TRHDE: variants seen among roughly 807,000 people sequenced by gnomAD.
TRHDE encodes thyrotropin-releasing hormone-degrading ectoenzyme.
Under a neutral mutation model 125.7 loss-of-function variants are expected in TRHDE, and 72 were observed. The observed-to-expected ratio is 0.57, with a 90% CI of 0.47 to 0.70. The LOEUF is 0.70. Among genes scored for constraint, TRHDE ranks in the 30% least tolerant of loss-of-function variants. The probability of loss-of-function intolerance (pLI) is 0.00; values close to 1 mark genes in which losing one functional copy is unlikely to be tolerated. For synonymous variants in TRHDE, 509 were observed against 509.1 expected (o/e 1.00, Z 0.00); for missense variants, 1,110 against 1,327.1 (o/e 0.84, Z 2.54).
chr12:72,118,417 T>C (rs1875498907), intron 2 of TRHDE, among the ~76,000 whole-genome samples: 1 of 152,192 alleles, frequency 6.6e-6, no homozygotes, highest in Non-Finnish European at 1.5e-5. Flanking sequence ...TTGATTATGA[T>C]GAATAATCTT....
At chr12:72,238,321 T>TATATATACAC (rs1878395323) in intron 2 of TRHDE, among the ~76,000 whole-genome samples, 1 of 30,142 alleles carries the variant, frequency 3.3e-5, no homozygotes, top group Middle Eastern at 0.016. Context: ...TATATATATA[T>TATATATACAC]ACATATATAT....
At chr12:72,601,787 G>A (rs974281598) in intron 12 of TRHDE, among the ~76,000 whole-genome samples, 2 of 152,034 alleles carry the variant, frequency 1.3e-5, no homozygotes, top group African/African-American at 4.8e-5. Context: ...TAGATATAAG[G>A]TTATTGCACA....
chr12:72,222,449 A>C (rs542251677), intron 2 of TRHDE, among the ~76,000 whole-genome samples: 1 of 152,120 alleles, frequency 6.6e-6, no homozygotes, highest in Admixed American at 6.6e-5. Flanking sequence ...ATGATTTTCA[A>C]ATGTTAGCAT....
chr12:72,168,741 C>G (rs189517765), intron 2 of TRHDE, among the ~76,000 whole-genome samples: 4 of 152,238 alleles, frequency 2.6e-5, no homozygotes, highest in African/African-American at 9.6e-5. Context: ...ATTTCCACTT[C>G]CAATCATGTC....
intron 3 of TRHDE, among the ~76,000 whole-genome samples, chr12:72,454,965 C>T (rs1321787817): frequency 6.6e-6 from 1 of 152,126 alleles, no homozygotes; most frequent in African/African-American, 2.4e-5. Context: ...TTGCCTCCTG[C>T]CATTTCTCTT....
intron 5 of TRHDE, among the ~76,000 whole-genome samples, chr12:72,484,755 G>C (rs1463935274): frequency 6.6e-6 from 1 of 152,160 alleles, no homozygotes; most frequent in Non-Finnish European, 1.5e-5. Flanking sequence ...ACAGGAAAAG[G>C]TGGCAACAAA....
chr12:72,305,987 TCCATTTTGCCAGGCTTACTA>T (rs1868335512), intron 2 of TRHDE, among the ~76,000 whole-genome samples: 3 of 152,192 alleles, frequency 2.0e-5, no homozygotes, highest in Admixed American at 6.5e-5. Context: ...TACAGACAGC[TCCATTTTGCCAGGCTTACTA>T]CCAGTGAGAA....
At chr12:72,492,495 A>G (rs371481466) in intron 5 of TRHDE, among the ~76,000 whole-genome samples, 156 of 152,062 alleles carry the variant, frequency 1.0e-3, no homozygotes, top group South Asian at 7.0e-3. Context: ...AAAAGATGAT[A>G]ATTGCAAAGT....
At chr12:72,499,242 A>G (rs1188037327) in intron 5 of TRHDE, among the ~76,000 whole-genome samples, 1 of 152,156 alleles carries the variant, frequency 6.6e-6, no homozygotes, top group East Asian at 1.9e-4. Flanking sequence ...CTGTTAAAAC[A>G]CAGAGTTCAC....
At chr12:72,371,535 T>TCC in intron 2 of TRHDE, among the ~76,000 whole-genome samples, 1 of 151,288 alleles carries the variant, frequency 6.6e-6, no homozygotes, top group South Asian at 2.1e-4. Context: ...ATGCTATCCT[T>TCC]CCCCCCTCCC....
At chr12:72,239,120 AT>A (rs1878422741) in intron 2 of TRHDE, among the ~76,000 whole-genome samples, 1 of 152,016 alleles carries the variant, frequency 6.6e-6, no homozygotes, top group Non-Finnish European at 1.5e-5. Flanking sequence ...TGTGGTTTTG[AT>A]CTGCATTTCT....
rs1879915514 is a variant in TRHDE at position 72,287,011 on chromosome 12, T to G, written c.1188+57T>G. ...ATAATGTACACTCTGTAAAGTAACCTGATTTCTGGATTAACAGTGAGTCAT... is the reference window on the plus strand; with the variant it reads ...ATAATGTACACTCTGTAAAGTAACCGGATTTCTGGATTAACAGTGAGTCAT... On this transcript the variant is annotated intron_variant, in intron 2 of 18. Transcript: ENST00000261180. 3 of 1,548,282 alleles carry G rather than the reference T, an allele frequency of 1.9e-6. No individual in the cohort carries two copies. In the East Asian group the frequency reaches 6.8e-5, roughly 35 times the overall value.
chr12:72,652,551 T>G (rs1874548901), intron 16 of TRHDE, 62 bp downstream of exon 16: 1 of 1,364,808 alleles, frequency 7.3e-7, no homozygotes, highest in Admixed American at 2.3e-5. Context: ...ATCAAATTGC[T>G]CTGAAGTTGC....
intron 2 of TRHDE, among the ~76,000 whole-genome samples, chr12:72,331,067 C>T (rs1338985389): frequency 6.6e-6 from 1 of 152,180 alleles, no homozygotes; most frequent in Non-Finnish European, 1.5e-5. Flanking sequence ...TAGCAAACAC[C>T]TGCTGTATGC....
intron 12 of TRHDE, among the ~76,000 whole-genome samples, chr12:72,605,422 C>A (rs1472829170): frequency 1.3e-5 from 2 of 152,048 alleles, no homozygotes; most frequent in Admixed American, 1.3e-4. Context: ...TACTATTTAG[C>A]ACCCTTATGA....
chr12:72,480,524 T>C (rs1413018139), intron 5 of TRHDE, among the ~76,000 whole-genome samples: 4 of 152,186 alleles, frequency 2.6e-5, no homozygotes, highest in Non-Finnish European at 5.9e-5. Context: ...TGAATGAGTA[T>C]TCCCTATGGA....
intron 2 of TRHDE, among the ~76,000 whole-genome samples, chr12:72,356,784 C>T (rs958793355): frequency 6.6e-6 from 1 of 151,252 alleles, no homozygotes; most frequent in Non-Finnish European, 1.5e-5. Context: ...TCAAGAATGA[C>T]CTGAGCAGGA....
chr12:72,669,109 G>A lies in TRHDE; in HGVS notation c.*5914G>A, dbSNP rs752259449. 1 of 150,898 alleles carries A rather than the reference G, an allele frequency of 6.6e-6. No homozygotes were observed. Among genetic ancestry groups the A allele is most frequent in the Non-Finnish European group, 1.5e-5 (1 of 67,624 alleles). The allele number at this position is 150,898 out of a possible 1,614,324, so 9.3% of individuals were successfully genotyped here. ...ATAACAGGTAATTAACAGATATTTC[G>A]GCCAACGAGACACACACACACATGA... On this transcript the variant is annotated 3_prime_UTR_variant, in exon 19 of 19. Transcript: ENST00000261180.
chr12:72,181,924 C>T (rs1877103405), intron 2 of TRHDE, among the ~76,000 whole-genome samples: 1 of 152,124 alleles, frequency 6.6e-6, no homozygotes, highest in South Asian at 2.1e-4. Flanking sequence ...TCAATGGCAA[C>T]CCACTTTATG....
Sources: gnomAD v4.1 joint callset for allele counts (sites outside exome capture counted in the v4.1 genomes callset) on GRCh38, gnomAD v4.1.1 for gene constraint, MANE v1.5 for transcripts, NCBI Gene and HGNC (gene_info 2026-07-23, HGNC 2026-07-21) for gene names.